Variants in RFC5 observed in about 807,000 individuals in gnomAD.
RFC5 encodes the protein A1 36 kDa subunit.
RFC5 carries 26 observed loss-of-function variants against 44.3 expected under a neutral mutation model. That is an observed-to-expected ratio of 0.59 (90% CI 0.43 to 0.81). RFC5 has a LOEUF of 0.81. RFC5 is among the 40% of genes least tolerant of loss of function. RFC5 has a pLI of 0.00. For synonymous variants in RFC5, 155 were observed against 155.2 expected (o/e 1.00, Z 0.01); for missense variants, 328 against 418.6 (o/e 0.78, Z 1.89).
chr12:118,040,300 C>A, the RFC5 span, among the ~76,000 whole-genome samples: 1 of 152,098 alleles, frequency 6.6e-6, no homozygotes, highest in African/African-American at 2.4e-5. Flanking sequence ...TTATTCCCCT[C>A]CTCTCCTTGA....
chr12:118,026,517 T>A (rs140704217), intron 7 of RFC5, among the ~76,000 whole-genome samples: 258 of 152,262 alleles, frequency 1.7e-3, no homozygotes, highest in African/African-American at 5.8e-3. Flanking sequence ...GAGGGTGACT[T>A]GAGCCTAGGA....
chr12:118,031,256 AC>A lies in RFC5; in HGVS notation c.1003del (p.Leu335Ter). ...ATTGCTGCATTTCAAGTCACCAGAG[AC>A]CTGATTGTTGCAGAGGCCTAGATGC... ...SLIAAFQVTR[D>X]LIVAEA On this transcript the variant is annotated frameshift_variant, in exon 11 of 11. Transcript: ENST00000454402. LOFTEE classifies it high-confidence loss of function. The A allele has an allele frequency of 6.2e-7, 1 of 1,613,230 alleles. No individual in the cohort carries two copies. Among genetic ancestry groups the A allele is most frequent in the Non-Finnish European group, 8.5e-7 (1 of 1,179,316 alleles).
At chr12:118,036,240 C>T (rs375025061), downstream of RFC5, 8 of 1,396,856 alleles carry the variant, frequency 5.7e-6, no homozygotes, top group African/African-American at 5.7e-5. Flanking sequence ...AGCTTGTCCC[C>T]TCCCATGTCC....
chr12:118,021,929 C>T (rs533900233), intron 4 of RFC5, among the ~76,000 whole-genome samples: 3 of 152,040 alleles, frequency 2.0e-5, no homozygotes, highest in African/African-American at 7.2e-5. Context: ...TGCACTCCAG[C>T]CTGGGCAACA....
chr12:118,022,478 T>C (rs2030581743), intron 5 of RFC5, 119 bp downstream of exon 5: 2 of 707,156 alleles, frequency 2.8e-6, no homozygotes, highest in Middle Eastern at 2.7e-4. Context: ...TTTTTTTCTT[T>C]TTTTGAGTCA....
At chr12:118,018,679 G>A (rs1449610121) in intron 1 of RFC5, among the ~76,000 whole-genome samples, 1 of 151,940 alleles carries the variant, frequency 6.6e-6, no homozygotes, top group Non-Finnish European at 1.5e-5. Flanking sequence ...GTGCAATCTC[G>A]GTTCACTGCA....
downstream of RFC5, among the ~76,000 whole-genome samples, chr12:118,035,526 G>A (rs2031491934): frequency 6.6e-6 from 1 of 152,204 alleles, no homozygotes; most frequent in Non-Finnish European, 1.5e-5. Context: ...TGTGGATGAA[G>A]GGTTACTAAC....
intron 1 of RFC5, among the ~76,000 whole-genome samples, chr12:118,018,406 T>C (rs2030248737): frequency 6.6e-6 from 1 of 152,090 alleles, no homozygotes; most frequent in African/African-American, 2.4e-5. Flanking sequence ...CTGTGCACTG[T>C]AGCATGTTTA....
Position 118,020,965 on chromosome 12 carries a change from T to C in RFC5, c.327T>C (p.Ala109=). Residue 109 remains alanine (A), a synonymous_variant, in exon 4 of 11, where the codon GCT becomes GCC. Transcript: ENST00000454402. The part of the protein sequence containing the change: ...DIIRGPILSF[A]STRTIFKKGF... ...TTCGAGGACCGATCCTGAGCTTTGCTAGCACAAGGACAATATTTAAGTAAG... is the reference window on the plus strand; with the variant it reads ...TTCGAGGACCGATCCTGAGCTTTGCCAGCACAAGGACAATATTTAAGTAAG... 1 of 1,607,576 alleles carries C rather than the reference T, an allele frequency of 6.2e-7. No homozygotes were observed. Among genetic ancestry groups the C allele is most frequent in the Non-Finnish European group, 8.5e-7 (1 of 1,174,412 alleles).
At chr12:118,041,215 C>T in the RFC5 span, among the ~76,000 whole-genome samples, 1 of 152,034 alleles carries the variant, frequency 6.6e-6, no homozygotes, top group South Asian at 2.1e-4. Flanking sequence ...TATTAGGAGG[C>T]GGGGCTTTTG....
Position 118,031,287 on chromosome 12 carries a change from A to G in RFC5, c.*9A>G. On this transcript the variant is annotated 3_prime_UTR_variant, in exon 11 of 11. Transcript: ENST00000454402. ...TTGTTGCAGAGGCCTAGATGCTCTG[A>G]GGGCCATTCACAATTCTCAGGGCTC... 6.3e-7 allele frequency: 1 copy of G among 1,574,896 alleles called. No individual in the cohort carries two copies. The highest frequency in any genetic ancestry group is 1.1e-5 in the South Asian group (1 of 90,128).
intron 1 of RFC5, 110 bp downstream of exon 1, chr12:118,017,002 G>A: frequency 1.2e-6 from 1 of 859,804 alleles, no homozygotes; most frequent in Non-Finnish European, 1.9e-6. Flanking sequence ...TCTTCCCGTC[G>A]TCTCCAGGCC....
At chr12:118,017,222 C>T (rs5745800) in intron 1 of RFC5, among the ~76,000 whole-genome samples, 5 of 152,240 alleles carry the variant, frequency 3.3e-5, no homozygotes, top group African/African-American at 1.2e-4. Flanking sequence ...AAAATGCCCT[C>T]TTCCCACTCT....
rs2030546294 is a variant in RFC5 at position 118,022,162 on chromosome 12, A to G, written c.348-124A>G. 17 of 751,292 alleles carry G rather than the reference A, an allele frequency of 2.3e-5. No homozygotes were observed. The South Asian group carries it at 2.8e-4, about 12-fold the overall frequency. 46.5% of individuals were successfully genotyped at this position (751,292 alleles called of 1,614,324 possible). A position where few individuals can be genotyped will look rare whatever the true frequency, so the allele number is the denominator to read the frequency against. Reference sequence around the variant, plus strand: ...TGACCAAAGATGTCTGCCTTGGCCAAAGTTCTAGAAGAAATTGTCTTTCTG... The same window carrying G: ...TGACCAAAGATGTCTGCCTTGGCCAGAGTTCTAGAAGAAATTGTCTTTCTG... On this transcript the variant is annotated intron_variant, in intron 4 of 10. Transcript: ENST00000454402.
chr12:118,034,953 C>T, downstream of RFC5: 1 of 1,596,284 alleles, frequency 6.3e-7, no homozygotes, highest in Non-Finnish European at 8.6e-7. Flanking sequence ...CAGCAGAAAG[C>T]ACCACCCATC....
chr12:118,039,662 T>C, the RFC5 span, among the ~76,000 whole-genome samples: 1 of 152,196 alleles, frequency 6.6e-6, no homozygotes, highest in Non-Finnish European at 1.5e-5. Context: ...ATAATTGTTA[T>C]ACGCCTGTAC....
At chr12:118,039,811 CCGG>C in the RFC5 span, among the ~76,000 whole-genome samples, 5 of 150,808 alleles carry the variant, frequency 3.3e-5, no homozygotes, top group Admixed American at 1.3e-4. Flanking sequence ...TGGCATGATC[CCGG>C]CTCACTGCAA....
At chr12:118,035,559 A>C (rs2031493019), downstream of RFC5, 1 of 495,670 alleles carries the variant, frequency 2.0e-6, no homozygotes, top group African/African-American at 1.9e-5. Context: ...TAATTTGCTT[A>C]TGCAAAGTAG....
the RFC5 span, among the ~76,000 whole-genome samples, chr12:118,039,170 A>G: frequency 6.6e-6 from 1 of 152,200 alleles, no homozygotes; most frequent in African/African-American, 2.4e-5. Context: ...CCAGATGAGC[A>G]GTGGTGTGGA....
Sources: allele counts gnomAD v4.1 joint callset (sites outside exome capture counted in the v4.1 genomes callset), GRCh38; gene constraint gnomAD v4.1.1; transcripts MANE v1.5; gene names NCBI Gene and HGNC (gene_info 2026-07-23, HGNC 2026-07-21).